Variants in HYCC1 observed in about 807,000 individuals in gnomAD.
HYCC1 encodes the protein hyccin.
At chr7:22,911,445 T>C in the HYCC1 span, among the ~76,000 whole-genome samples, 8 of 152,166 alleles carry the variant, frequency 5.3e-5, no homozygotes, top group African/African-American at 1.9e-4. Flanking sequence ...GACAAATAAT[T>C]TATTGTTCTC....
the HYCC1 span, among the ~76,000 whole-genome samples, chr7:22,956,452 G>C: frequency 2.8e-5 from 4 of 144,134 alleles, no homozygotes; most frequent in Non-Finnish European, 4.4e-5. Context: ...AACACATTAA[G>C]TTAAGCCATG....
chr7:22,967,178 A>T, the HYCC1 span, among the ~76,000 whole-genome samples: 1 of 152,224 alleles, frequency 6.6e-6, no homozygotes, highest in Non-Finnish European at 1.5e-5. Flanking sequence ...ACAGGGACTC[A>T]CAATCTAATC....
At chr7:22,964,629 T>C in the HYCC1 span, 1 of 699,264 alleles carries the variant, frequency 1.4e-6, no homozygotes, top group Admixed American at 2.2e-5. Context: ...TACACTTTCA[T>C]AACAAACCTA....
chr7:22,955,490 C>CA, the HYCC1 span, among the ~76,000 whole-genome samples: 1 of 151,360 alleles, frequency 6.6e-6, no homozygotes, highest in African/African-American at 2.4e-5. Flanking sequence ...GATTAGTTGG[C>CA]AAAAAATATA....
At chr7:23,001,401 C>G in the HYCC1 span, among the ~76,000 whole-genome samples, 1 of 152,176 alleles carries the variant, frequency 6.6e-6, no homozygotes, top group African/African-American at 2.4e-5. Flanking sequence ...TATCAGCAAT[C>G]CCTACCCATG....
At chr7:22,980,976 C>G in the HYCC1 span, among the ~76,000 whole-genome samples, 1 of 152,166 alleles carries the variant, frequency 6.6e-6, no homozygotes, top group Non-Finnish European at 1.5e-5. Context: ...GCCTTTCCAC[C>G]TACAGTTCCC....
At chr7:22,973,799 T>G in the HYCC1 span, among the ~76,000 whole-genome samples, 113 of 152,274 alleles carry the variant, frequency 7.4e-4, no homozygotes, top group African/African-American at 2.6e-3. Flanking sequence ...ATATTAGCAA[T>G]TTTCTACTCA....
At chr7:22,974,327 T>C in the HYCC1 span, among the ~76,000 whole-genome samples, 2 of 152,220 alleles carry the variant, frequency 1.3e-5, no homozygotes, top group Non-Finnish European at 2.9e-5. Flanking sequence ...ATTTACAATA[T>C]AATGACTTGG....
chr7:22,991,942 T>C, the HYCC1 span, among the ~76,000 whole-genome samples: 2 of 152,026 alleles, frequency 1.3e-5, no homozygotes, highest in African/African-American at 4.8e-5. Flanking sequence ...TTAGGTAGAG[T>C]AGCCAGAAAT....
the HYCC1 span, among the ~76,000 whole-genome samples, chr7:23,007,582 T>C: frequency 6.6e-6 from 1 of 152,146 alleles, no homozygotes; most frequent in Non-Finnish European, 1.5e-5. Flanking sequence ...CCAGAGCACA[T>C]GCAAAAATGG....
At chr7:22,980,117 T>C in the HYCC1 span, among the ~76,000 whole-genome samples, 3 of 152,088 alleles carry the variant, frequency 2.0e-5, no homozygotes, top group Non-Finnish European at 4.4e-5. Flanking sequence ...TTTTGACTTC[T>C]TTACCAACAT....
the HYCC1 span, among the ~76,000 whole-genome samples, chr7:22,962,518 A>G: frequency 6.6e-6 from 1 of 151,802 alleles, no homozygotes; most frequent in Non-Finnish European, 1.5e-5. Context: ...TTGGGGAAAG[A>G]GCAGCAATCC....
At chr7:22,950,989 C>T in the HYCC1 span, among the ~76,000 whole-genome samples, 6,061 of 151,540 alleles carry the variant, frequency 0.04, 180 homozygotes, top group Non-Finnish European at 0.052. Flanking sequence ...ATTTGTGTAA[C>T]CCCCTATATG....
chr7:22,984,065 T>C, the HYCC1 span: 1 of 1,411,546 alleles, frequency 7.1e-7, no homozygotes, highest in Non-Finnish European at 1.0e-6. Context: ...TTTAAAAAAA[T>C]ACATTTTACT....
chr7:22,920,153 T>A, the HYCC1 span, among the ~76,000 whole-genome samples: 1 of 151,934 alleles, frequency 6.6e-6, no homozygotes, highest in Admixed American at 6.6e-5. Context: ...CATAGGGTGG[T>A]GTGATTTTTT....
chr7:22,973,902 T>C, the HYCC1 span, among the ~76,000 whole-genome samples: 1 of 152,198 alleles, frequency 6.6e-6, no homozygotes, highest in African/African-American at 2.4e-5. Flanking sequence ...TTTCCGTCAG[T>C]AGTTTCAGGG....
the HYCC1 span, chr7:22,983,921 C>T: frequency 7.5e-7 from 1 of 1,340,692 alleles, no homozygotes; most frequent in African/African-American, 1.4e-5. Flanking sequence ...ACTGTTAGCA[C>T]AATAAACCAT....
the HYCC1 span, chr7:22,976,160 A>G: frequency 9.0e-7 from 1 of 1,114,488 alleles, no homozygotes; most frequent in Admixed American, 1.7e-5. Flanking sequence ...CAGACTAGCA[A>G]TCATAGATTC....
At chr7:23,009,073 T>G in the HYCC1 span, among the ~76,000 whole-genome samples, 1 of 152,072 alleles carries the variant, frequency 6.6e-6, no homozygotes, top group African/African-American at 2.4e-5. Flanking sequence ...TTATTTGCAA[T>G]GTAATTTGAC....
Sources: gnomAD v4.1 joint callset for allele counts (sites outside exome capture counted in the v4.1 genomes callset) on GRCh38, gnomAD v4.1.1 for gene constraint, MANE v1.5 for transcripts, NCBI Gene and HGNC (gene_info 2026-07-23, HGNC 2026-07-21) for gene names.